The following EPB41L4A variants were observed in gnomAD, a reference collection of about 807,000 sequenced individuals.
EPB41L4A encodes the protein erythrocyte membrane protein band 4.1 like 4A, also known as band 4.1-like protein 4A.
Under a neutral mutation model 108.6 loss-of-function variants are expected in EPB41L4A, and 100 were observed. That is an observed-to-expected ratio of 0.92 (90% confidence interval 0.78 to 1.09). The LOEUF (loss-of-function observed/expected upper bound fraction) is 1.09, where lower values mean the gene tolerates loss of function less well. EPB41L4A is among the 50% of genes least tolerant of loss of function. The pLI is 0.00. For missense variants in EPB41L4A, 1,030 were observed against 842.7 expected, an observed-to-expected ratio of 1.22 and a Z score of -2.75; for synonymous variants, 319 against 289.0, an observed-to-expected ratio of 1.10 and a Z score of -1.05.
chr5:112,307,619 C>T (rs891107902), intron 1 of EPB41L4A, 129 bp from the exon 2 acceptor site: 2 of 508,380 alleles, frequency 3.9e-6, no homozygotes, highest in Non-Finnish European at 6.7e-6. Context: ...TGGTTCTTCT[C>T]TGTAAGTTGT....
chr5:112,310,716 C>A (rs571868851), intron 1 of EPB41L4A, among the ~76,000 whole-genome samples: 1 of 152,170 alleles, frequency 6.6e-6, no homozygotes, highest in African/African-American at 2.4e-5. Flanking sequence ...TAGAGAAATT[C>A]CCGCTTTAGT....
intron 1 of EPB41L4A, among the ~76,000 whole-genome samples, chr5:112,330,108 C>T (rs1417643875): frequency 4.6e-5 from 7 of 151,800 alleles, no homozygotes; most frequent in Middle Eastern, 6.8e-3. Flanking sequence ...GTAGCAAGAA[C>T]GGCTTGCTAC....
chr5:112,211,223 C>T (rs962040692), intron 12 of EPB41L4A, among the ~76,000 whole-genome samples: 1 of 152,152 alleles, frequency 6.6e-6, no homozygotes, highest in South Asian at 2.1e-4. Context: ...CTACTTCCAC[C>T]TGTGGCCCCA....
At chr5:112,289,608 G>T (rs1753518144) in intron 2 of EPB41L4A, among the ~76,000 whole-genome samples, 1 of 152,164 alleles carries the variant, frequency 6.6e-6, no homozygotes. Flanking sequence ...TTGCCCTCTG[G>T]ATGTTTTCCC....
chr5:112,240,678 CATTT>C, intron 10 of EPB41L4A, 37 bp downstream of exon 10: 3 of 1,108,912 alleles, frequency 2.7e-6, no homozygotes, highest in Non-Finnish European at 3.9e-6. Context: ...ATGCCATTTT[CATTT>C]ATTAAGACAA....
chr5:112,144,915 G>C (rs1374115781), intron 13 of EPB41L4A, among the ~76,000 whole-genome samples: 3 of 151,952 alleles, frequency 2.0e-5, no homozygotes, highest in African/African-American at 7.3e-5. Context: ...AAGAGGGAGG[G>C]GATCCCCTCA....
chr5:112,178,439 A>G (rs1760981556), intron 18 of EPB41L4A, among the ~76,000 whole-genome samples: 1 of 152,150 alleles, frequency 6.6e-6, no homozygotes, highest in Non-Finnish European at 1.5e-5. Context: ...TCTGAACACT[A>G]TCAGCTAACT....
intron 2 of EPB41L4A, among the ~76,000 whole-genome samples, chr5:112,297,856 T>C (rs979794211): frequency 6.6e-6 from 1 of 152,224 alleles, no homozygotes; most frequent in African/African-American, 2.4e-5. Flanking sequence ...AGTTTCATTT[T>C]CCATCATGTG....
Position 112,209,997 on chromosome 5 carries a change from GAAGGA to G in EPB41L4A, c.1088-20_1088-16del, listed in dbSNP as rs1453161606. ...GCTGTTTGATTCTAGCAGAGGAGGA[GAAGGA>G]AAGATGGAAGAGAGAGGAAACAGTG... On this transcript the variant is annotated splice_polypyrimidine_tract_variant and intron_variant, in intron 12 of 22. Transcript: ENST00000261486. 5 of 1,438,294 alleles carry G rather than the reference GAAGGA, an allele frequency of 3.5e-6. No individual in the cohort carries two copies. Among genetic ancestry groups the G allele is most frequent in the Admixed American group, 1.8e-5 (1 of 55,762 alleles). 89.1% of individuals were successfully genotyped at this position (1,438,294 alleles called of 1,614,324 possible). A position where few individuals can be genotyped will look rare whatever the true frequency, so the allele number is the denominator to read the frequency against.
intron 4 of EPB41L4A, among the ~76,000 whole-genome samples, chr5:112,268,842 C>CAAAAAAAAAA (rs34983995): frequency 8.9e-5 from 5 of 55,914 alleles, no homozygotes; most frequent in Non-Finnish European, 1.2e-4. Context: ...GACCTTCTCT[C>CAAAAAAAAAA]AAAAAAAAAA....
At chr5:112,209,300 G>A (rs918363742) in intron 13 of EPB41L4A, among the ~76,000 whole-genome samples, 1 of 152,212 alleles carries the variant, frequency 6.6e-6, no homozygotes, top group Non-Finnish European at 1.5e-5. Flanking sequence ...AAATGACTCT[G>A]CAACAGTGTC....
chr5:112,215,156 T>C (rs1454790655), intron 12 of EPB41L4A, among the ~76,000 whole-genome samples: 2 of 152,274 alleles, frequency 1.3e-5, no homozygotes, highest in East Asian at 3.9e-4. Flanking sequence ...TTAATAAGTG[T>C]CAAAAGTAAA....
intron 12 of EPB41L4A, among the ~76,000 whole-genome samples, chr5:112,149,890 A>T (rs188295177): frequency 6.6e-6 from 1 of 152,266 alleles, no homozygotes; most frequent in East Asian, 1.9e-4. Flanking sequence ...TCATAGGGCC[A>T]CTTGGGAGTT....
At chr5:112,167,041 A>G (rs1760287018) in intron 22 of EPB41L4A, among the ~76,000 whole-genome samples, 1 of 151,052 alleles carries the variant, frequency 6.6e-6, no homozygotes, top group African/African-American at 2.4e-5. Context: ...TATTCTTCCA[A>G]CTTAGAATAT....
At chr5:112,368,310 G>A (rs1358863335) in intron 1 of EPB41L4A, among the ~76,000 whole-genome samples, 1 of 151,896 alleles carries the variant, frequency 6.6e-6, no homozygotes, top group Non-Finnish European at 1.5e-5. Flanking sequence ...TCTTGTCTGA[G>A]GCCATTCTTT....
At chr5:112,313,388 G>C (rs143867883) in intron 1 of EPB41L4A, among the ~76,000 whole-genome samples, 5,204 of 152,192 alleles carry the variant, frequency 0.034, 118 homozygotes, top group Middle Eastern at 0.079. Flanking sequence ...TCAGGAGATT[G>C]AGACCATCCT....
At chr5:112,147,621 G>C (rs1759308177) in intron 12 of EPB41L4A, among the ~76,000 whole-genome samples, 1 of 137,028 alleles carries the variant, frequency 7.3e-6, no homozygotes, top group African/African-American at 2.8e-5. Flanking sequence ...CTGGGCAACA[G>C]AACGAGACTC....
chr5:112,359,139 T>C (rs561485775), intron 1 of EPB41L4A, among the ~76,000 whole-genome samples: 2 of 152,218 alleles, frequency 1.3e-5, no homozygotes, highest in African/African-American at 4.8e-5. Flanking sequence ...ATGTAAAAAC[T>C]CATTCAGCTA....
At chr5:112,359,173 A>C (rs191530508) in intron 1 of EPB41L4A, among the ~76,000 whole-genome samples, 47 of 152,342 alleles carry the variant, frequency 3.1e-4, no homozygotes, top group African/African-American at 9.4e-4. Flanking sequence ...TGTATACTTT[A>C]TATTCTACTT....
Sources: gnomAD v4.1 joint callset for allele counts (sites outside exome capture counted in the v4.1 genomes callset) on GRCh38, gnomAD v4.1.1 for gene constraint, MANE v1.5 for transcripts, NCBI Gene and HGNC (gene_info 2026-07-23, HGNC 2026-07-21) for gene names.